Variants in WDR1 observed in about 807,000 individuals in gnomAD.
The protein encoded by WDR1 is WD repeat domain 1, also known as WD repeat-containing protein 1.
Under a neutral mutation model 71.9 loss-of-function variants are expected in WDR1, and 21 were observed. That is an observed-to-expected ratio of 0.29 (90% CI 0.21 to 0.42). The LOEUF (loss-of-function observed/expected upper bound fraction) is 0.42, where lower values mean the gene tolerates loss of function less well. Among genes scored for constraint, WDR1 ranks in the 10% least tolerant of loss-of-function variants. The probability of loss-of-function intolerance (pLI) is 1.00; values close to 1 mark genes in which losing one functional copy is unlikely to be tolerated. For synonymous variants in WDR1, 424 were observed against 347.4 expected, an observed-to-expected ratio of 1.22 and a Z score of -2.45; for missense variants, 696 against 824.5, an observed-to-expected ratio of 0.84 and a Z score of 1.91.
intron 2 of WDR1, among the ~76,000 whole-genome samples, chr4:10,112,533 T>C (rs548147277): frequency 6.6e-6 from 1 of 152,338 alleles, no homozygotes; most frequent in East Asian, 1.9e-4. Flanking sequence ...AGAAACACCC[T>C]TTTTCTACAA....
chr4:10,114,022 G>T (rs375250729), intron 2 of WDR1, among the ~76,000 whole-genome samples: 1 of 152,056 alleles, frequency 6.6e-6, no homozygotes, highest in Non-Finnish European at 1.5e-5. Flanking sequence ...CTTCCTGAAC[G>T]GTCATGCCAA....
intron 2 of WDR1, chr4:10,108,273 C>G (rs934174525): frequency 6.6e-6 from 1 of 152,200 alleles, no homozygotes; most frequent in Non-Finnish European, 1.5e-5. Context: ...GGTCACTACT[C>G]CAATTTACAG....
At chr4:10,081,526 C>A (rs1765014208) in intron 10 of WDR1, 82 bp from the exon 11 acceptor site, 2 of 1,340,728 alleles carry the variant, frequency 1.5e-6, no homozygotes, top group African/African-American at 2.9e-5. Context: ...TGTTAAACCA[C>A]AGTTTTGCTC....
intron 2 of WDR1, 79 bp downstream of exon 2, chr4:10,116,034 A>C: frequency 6.5e-7 from 1 of 1,541,904 alleles, no homozygotes; most frequent in Admixed American, 1.8e-5. Context: ...GCAGGAGGTG[A>C]GAAGTGGAGA....
At chr4:10,105,223 G>T (rs186775713) in intron 2 of WDR1, among the ~76,000 whole-genome samples, 2 of 152,270 alleles carry the variant, frequency 1.3e-5, no homozygotes, top group Non-Finnish European at 2.9e-5. Flanking sequence ...CCACCGGGAT[G>T]GCACAACACA....
Position 10,075,373 on chromosome 4 carries a change from G to A in WDR1, c.*5C>T, listed in dbSNP as rs770583199. ...CGGTCCATCCAGAGGCGGGGGTGGG[G>A]CTCCTCAGTAGGTGATTGTCCACTC... is the stretch of plus-strand genomic sequence containing the variant. On this transcript the variant is annotated 3_prime_UTR_variant, in exon 15 of 15. Coordinates refer to ENST00000499869, the MANE Select transcript of WDR1 (RefSeq NM_017491.5). 3 of 1,612,022 alleles carry A rather than the reference G, an allele frequency of 1.9e-6. No homozygotes were observed. Among genetic ancestry groups the A allele is most frequent in the Non-Finnish European group, 2.5e-6 (3 of 1,178,480 alleles).
intron 11 of WDR1, 91 bp from the exon 12 acceptor site, chr4:10,079,092 C>T: frequency 9.1e-7 from 1 of 1,095,598 alleles, no homozygotes; most frequent in South Asian, 1.6e-5. Flanking sequence ...TCGGGGCTCA[C>T]TGGAGCTGGG....
intron 11 of WDR1, among the ~76,000 whole-genome samples, chr4:10,079,664 G>A (rs2109637929): frequency 6.6e-6 from 1 of 152,336 alleles, no homozygotes; most frequent in East Asian, 1.9e-4. Flanking sequence ...TCATCTCTGA[G>A]TTTTGCCTTT....
chr4:10,075,006 A>T lies in WDR1; in HGVS notation c.*372T>A. On this transcript the variant is annotated 3_prime_UTR_variant, in exon 15 of 15. Transcript: ENST00000499869. ...GGCAGGAACATGAGCCCCCCGGCTC[A>T]TTCACCTGTACAACCTCCCCTGACA... 3.1e-6 allele frequency: 1 copy of T among 319,708 alleles called. No individual in the cohort carries two copies. The highest frequency in any genetic ancestry group is 4.6e-5 in the Admixed American group (1 of 21,958). 19.8% of individuals were successfully genotyped at this position (319,708 alleles called of 1,614,324 possible). A position where few individuals can be genotyped will look rare whatever the true frequency, so the allele number is the denominator to read the frequency against.
chr4:10,090,543 C>T (rs1181835489), intron 5 of WDR1, among the ~76,000 whole-genome samples: 2 of 152,220 alleles, frequency 1.3e-5, no homozygotes, highest in Non-Finnish European at 2.9e-5. Context: ...GGCACAAAAG[C>T]AACCCTGGGC....
At chr4:10,112,058 G>A (rs750876329) in intron 2 of WDR1, among the ~76,000 whole-genome samples, 28 of 151,394 alleles carry the variant, frequency 1.8e-4, no homozygotes, top group Non-Finnish European at 3.2e-4. Context: ...GGCAAAAGTT[G>A]CTTTTTTTTT....
Position 10,101,395 on chromosome 4 carries a change from A to C in WDR1, c.230-2256T>G, listed in dbSNP as rs544243451. On this transcript the variant is annotated intron_variant, in intron 3 of 14. Coordinates refer to ENST00000499869, the MANE Select transcript of WDR1 (RefSeq NM_017491.5). The stretch of plus-strand genomic sequence containing the variant: ...CGGCTCTTTCTCAGCCCCCTTCTCC[A>C]AACCACCCCCCTACCACACTATTTT... Among the ~76,000 whole-genome samples the C allele has an allele frequency of 2.6e-5, 4 of 152,196 alleles. No individual in the cohort carries two copies. In the South Asian group the frequency reaches 8.3e-4, roughly 32 times the overall value.
rs551927679 is a variant in WDR1, at chr4:10,084,055, T to C, written c.1039+388A>G. 2.0e-5 allele frequency among the ~76,000 whole-genome samples: 3 copies of C among 152,308 alleles called. No homozygotes were observed. The East Asian group carries it at 5.8e-4, about 29-fold the overall frequency. On this transcript the variant is annotated intron_variant, in intron 9 of 14. Transcript: ENST00000499869. ...ACCCAACGTAAGGGTGTCCAGGTGC[T>C]TGTGAATTCTAGGAATCAAGAAACC...
chr4:10,114,430 G>A (rs1713581639), intron 2 of WDR1, among the ~76,000 whole-genome samples: 1 of 152,182 alleles, frequency 6.6e-6, no homozygotes, highest in Non-Finnish European at 1.5e-5. Flanking sequence ...TAGAGTAACG[G>A]ACCCATGTGG....
At chr4:10,103,320 A>T (rs1712819762) in intron 3 of WDR1, among the ~76,000 whole-genome samples, 1 of 140,406 alleles carries the variant, frequency 7.1e-6, no homozygotes, top group South Asian at 2.2e-4. Context: ...ACACACACAC[A>T]CACGGCCCAC....
intron 5 of WDR1, among the ~76,000 whole-genome samples, chr4:10,095,702 T>C (rs867558461): frequency 6.6e-6 from 1 of 152,206 alleles, no homozygotes; most frequent in South Asian, 2.1e-4. Context: ...AGTCCGCACA[T>C]GTCTCCTGAG....
chr4:10,099,823 G>A (rs1712581390), intron 3 of WDR1, among the ~76,000 whole-genome samples: 3 of 152,256 alleles, frequency 2.0e-5, no homozygotes, highest in Admixed American at 6.5e-5. Context: ...ATTCTTCTGT[G>A]AGAGTAGCAG....
rs2109667145 is a variant in WDR1, at chr4:10,093,169, C to A, written c.559-4428G>T. On this transcript the variant is annotated intron_variant, in intron 5 of 14. Coordinates refer to ENST00000499869, the MANE Select transcript of WDR1 (RefSeq NM_017491.5). ...TCTCCAGCACACACATGCTCACTACCTACCTAGTCAGCTCAGGAACCCTCT... is the reference window on the plus strand; with the variant it reads ...TCTCCAGCACACACATGCTCACTACATACCTAGTCAGCTCAGGAACCCTCT... 12 of 1,287,874 alleles carry A rather than the reference C, an allele frequency of 9.3e-6. No homozygotes were observed. The South Asian group carries it at 1.2e-4, about 13-fold the overall frequency. 79.8% of individuals were successfully genotyped at this position (1,287,874 alleles called of 1,614,324 possible).
At chr4:10,101,887 G>A (rs897419412) in intron 3 of WDR1, among the ~76,000 whole-genome samples, 1 of 152,262 alleles carries the variant, frequency 6.6e-6, no homozygotes, top group African/African-American at 2.4e-5. Flanking sequence ...GGCTTTAAAT[G>A]AAGAGACTTT....
Sources: allele counts gnomAD v4.1 joint callset (sites outside exome capture counted in the v4.1 genomes callset), GRCh38; gene constraint gnomAD v4.1.1; transcripts MANE v1.5; gene names NCBI Gene and HGNC (gene_info 2026-07-23, HGNC 2026-07-21).